The following ZSCAN23 variants were observed in gnomAD, a reference collection of about 807,000 sequenced individuals.
The protein encoded by ZSCAN23 is zinc finger and SCAN domain-containing protein 23.
Under a neutral mutation model 19.3 loss-of-function variants are expected in ZSCAN23, and 19 were observed. That is an observed-to-expected ratio of 0.99 (90% CI 0.69 to 1.45). The LOEUF (loss-of-function observed/expected upper bound fraction) is 1.45. Ranked by LOEUF, ZSCAN23 falls within the 40% of genes most tolerant of loss-of-function variation. The pLI, the probability that ZSCAN23 is intolerant of heterozygous loss-of-function variation, is 0.00. For synonymous variants in ZSCAN23, 140 were observed against 166.2 expected, an observed-to-expected ratio of 0.84 and a Z score of 1.21; for missense variants, 372 against 462.5, an observed-to-expected ratio of 0.80 and a Z score of 1.79.
At chr6:28,422,618 CT>C in the ZSCAN23 span, among the ~76,000 whole-genome samples, 3 of 152,044 alleles carry the variant, frequency 2.0e-5, no homozygotes, top group Non-Finnish European at 2.9e-5. The surrounding 1 kb of genome is among the most constrained non-coding windows in gnomAD (Gnocchi z 4.0). Flanking sequence ...ATTCTCCTGT[CT>C]TTGCGATAAG....
At chr6:28,430,704 A>G (rs1285178502), downstream of ZSCAN23, among the ~76,000 whole-genome samples, 2 of 152,110 alleles carry the variant, frequency 1.3e-5, no homozygotes, top group African/African-American at 2.4e-5. Flanking sequence ...ATTGCTGAAT[A>G]GCTATGAAGA....
chr6:28,436,145 G>A lies in ZSCAN23; in HGVS notation c.122C>T (p.Pro41Leu). The A allele has an allele frequency of 6.3e-7, 1 of 1,594,798 alleles. No individual in the cohort carries two copies. The highest frequency in any genetic ancestry group is 1.3e-5 in the African/African-American group (1 of 74,552). The change falls in exon 2 of 4, where the codon CCT becomes CTT. Residue 41 changes from proline to leucine, a missense_variant. Coordinates refer to ENST00000289788, the MANE Select transcript of ZSCAN23 (RefSeq NM_001012455.2). ...TCTACGAAAGATCTCTCTGGTATGA[G>A]GGTTATTTCTTGACAGGCCTGATTC... is the stretch of plus-strand genomic sequence containing the variant. ...GPESGLSRNN[P>L]HTREIFRRRF...
In ZSCAN23 at chr6:28,435,809, C is replaced by T. The variant is rs543592822; in HGVS notation, c.408+50G>A. ...TCTACCTTTTCTTGTTGCACTGAAA[C>T]CCCATACTTGTTCTTATAGGTACAA... On this transcript the variant is annotated intron_variant, in intron 2 of 3. Transcript: ENST00000289788. The T allele has an allele frequency of 3.3e-6, 5 of 1,501,670 alleles. No homozygotes were observed. In the South Asian group the frequency reaches 6.9e-5, roughly 21 times the overall value. 93.0% of individuals were successfully genotyped at this position (1,501,670 alleles called of 1,614,324 possible). A position where few individuals can be genotyped will look rare whatever the true frequency, so the allele number is the denominator to read the frequency against.
chr6:28,422,624 G>A, the ZSCAN23 span, among the ~76,000 whole-genome samples: 1 of 152,034 alleles, frequency 6.6e-6, no homozygotes, highest in African/African-American at 2.4e-5. This position sits in a 1 kb window ranked among gnomAD's most constrained non-coding sequence, Gnocchi z 4.0. Context: ...CTGTCTTTGC[G>A]ATAAGAGGTC....
Position 28,436,263 on chromosome 6 carries a change from C to T in ZSCAN23, c.4G>A (p.Ala2Thr). The stretch of plus-strand genomic sequence containing the variant: ...GCAGTCTGAAGGGTCAAGGTTATGG[C>T]CATCAAAGGTTTAACTATTCAGAAA... M[A>T]ITLTLQTAEM... Residue 2 changes from alanine (A) to threonine (T), a missense_variant, in exon 2 of 4, where the codon GCC (alanine) becomes ACC (threonine). Coordinates refer to ENST00000289788, the MANE Select transcript of ZSCAN23 (RefSeq NM_001012455.2). The T allele has an allele frequency of 6.5e-7, 1 of 1,536,014 alleles. No individual in the cohort carries two copies. Among genetic ancestry groups the T allele is most frequent in the Non-Finnish European group, 8.8e-7 (1 of 1,138,834 alleles).
intron 1 of ZSCAN23, among the ~76,000 whole-genome samples, chr6:28,442,920 G>A (rs1414818689): frequency 1.3e-5 from 2 of 152,168 alleles, no homozygotes; most frequent in African/African-American, 2.4e-5. Flanking sequence ...GTGCTGGGCT[G>A]GCACATAGTA....
intron 1 of ZSCAN23, among the ~76,000 whole-genome samples, chr6:28,440,748 T>C (rs1164973603): frequency 6.6e-6 from 1 of 152,222 alleles, no homozygotes; most frequent in Non-Finnish European, 1.5e-5. Context: ...GAAAAATTCA[T>C]TTCTGGGATG....
chr6:28,430,377 A>C (rs958249845), downstream of ZSCAN23, among the ~76,000 whole-genome samples: 16 of 152,106 alleles, frequency 1.1e-4, no homozygotes, highest in African/African-American at 3.1e-4. Flanking sequence ...TCCAAACAAA[A>C]CAACCAACCA....
chr6:28,423,437 A>C, the ZSCAN23 span, among the ~76,000 whole-genome samples: 1 of 152,152 alleles, frequency 6.6e-6, no homozygotes, highest in Non-Finnish European at 1.5e-5. Context: ...TTCAGTACAG[A>C]CAGCCTCTTT....
intron 1 of ZSCAN23, among the ~76,000 whole-genome samples, chr6:28,440,561 T>C (rs1761981141): frequency 6.6e-6 from 1 of 152,154 alleles, no homozygotes; most frequent in Non-Finnish European, 1.5e-5. Flanking sequence ...TACTCTCACA[T>C]TACTCAATAA....
the ZSCAN23 span, among the ~76,000 whole-genome samples, chr6:28,421,755 T>G: frequency 4.9e-4 from 74 of 152,158 alleles, no homozygotes; most frequent in Admixed American, 1.5e-3. Context: ...AACTTCATTT[T>G]CTTTAACAAG....
intron 1 of ZSCAN23, among the ~76,000 whole-genome samples, 176 bp from the exon 2 acceptor site, chr6:28,436,519 A>G (rs1761892254): frequency 6.6e-6 from 1 of 152,188 alleles, no homozygotes; most frequent in African/African-American, 2.4e-5. Context: ...GAAAAAAGAA[A>G]TGGAACAAAA....
In ZSCAN23 at chr6:28,435,529, C is replaced by A; in HGVS notation, c.487G>T (p.Asp163Tyr). ...TGCTCTTCCAAGGTTTGGAATTGGT[C>A]ATTTGATGACTCCTGAGCTGCTCCT... ...TPGAAQESSNDQFQTLEEQLG... is the reference protein window; with the variant it reads ...TPGAAQESSNYQFQTLEEQLG... Residue 163 changes from aspartate to tyrosine, a missense_variant, in exon 3 of 4, where the codon GAC becomes TAC. Physicochemically the swap from Asp to Tyr is radical, Grantham distance 160. Coordinates refer to ENST00000289788, the MANE Select transcript of ZSCAN23 (RefSeq NM_001012455.2). 6.4e-7 allele frequency: 1 copy of A among 1,551,862 alleles called. No individual in the cohort carries two copies. The highest frequency in any genetic ancestry group is 8.7e-7 in the Non-Finnish European group (1 of 1,147,040).
In ZSCAN23 at chr6:28,434,301, G is replaced by A; in HGVS notation, c.*164C>T. ...AGGCAACATTCAGTATTGCAAAGCT[G>A]TGGATGTCACTGATCAGAGAACTCG... On this transcript the variant is annotated 3_prime_UTR_variant, in exon 4 of 4. Transcript: ENST00000289788. 6.7e-6 allele frequency: 5 copies of A among 751,066 alleles called. No homozygotes were observed. The highest frequency in any genetic ancestry group is 2.3e-5 in the South Asian group (1 of 42,858). 46.5% of individuals were successfully genotyped at this position (751,066 alleles called of 1,614,324 possible).
chr6:28,436,858 A>T (rs1761900405), intron 1 of ZSCAN23, among the ~76,000 whole-genome samples: 1 of 152,264 alleles, frequency 6.6e-6, no homozygotes, highest in Non-Finnish European at 1.5e-5. Context: ...GGTATGGAGG[A>T]GGGAGATCTA....
chr6:28,429,505 T>G (rs1270874279), downstream of ZSCAN23, among the ~76,000 whole-genome samples: 1 of 152,142 alleles, frequency 6.6e-6, no homozygotes, highest in Non-Finnish European at 1.5e-5. Context: ...ACTGTTCAGG[T>G]TAAAACGGCC....
the ZSCAN23 span, among the ~76,000 whole-genome samples, chr6:28,423,434 C>T: frequency 6.6e-6 from 1 of 152,184 alleles, no homozygotes; most frequent in African/African-American, 2.4e-5. Flanking sequence ...TTCTTCAGTA[C>T]AGACAGCCTC....
At chr6:28,439,807 T>C (rs887883446) in intron 1 of ZSCAN23, among the ~76,000 whole-genome samples, 2 of 152,180 alleles carry the variant, frequency 1.3e-5, no homozygotes, top group Non-Finnish European at 2.9e-5. Context: ...CAGTTACAGA[T>C]AGTAAGCAGT....
rs1761834798 is a variant in ZSCAN23 at position 28,434,656 on chromosome 6, G to A, written c.979C>T (p.His327Tyr). The A allele has an allele frequency of 6.4e-7, 1 of 1,567,608 alleles. No individual in the cohort carries two copies. The highest frequency in any genetic ancestry group is 1.2e-5 in the South Asian group (1 of 85,782). ...CACTGGTAAGGCTTCTCCCCAGTGT[G>A]AATTCTGAGGTGATGGAAAAGCCCG... is the stretch of plus-strand genomic sequence containing the variant. ...NAGLFHHLRI[H>Y]TGEKPYQCNQ... Residue 327 changes from histidine (H) to tyrosine (Y), a missense_variant, in exon 4 of 4, where the codon CAC becomes TAC. By Grantham distance (83) the His-to-Tyr change is moderately conservative (BLOSUM62 2). Transcript: ENST00000289788.
Sources: gnomAD v4.1 joint callset for allele counts (sites outside exome capture counted in the v4.1 genomes callset) on GRCh38, gnomAD v4.1.1 for gene constraint, Gnocchi (gnomAD v3.1) non-coding constraint, MANE v1.5 for transcripts, NCBI Gene and HGNC (gene_info 2026-07-23, HGNC 2026-07-21) for gene names.